EPN2: variants seen among roughly 807,000 people sequenced by gnomAD.
EPN2 encodes epsin-2.
A neutral mutation model predicts 61.7 loss-of-function variants in EPN2; 34 were observed. That is an observed-to-expected ratio of 0.55 (90% CI 0.42 to 0.73). The LOEUF (loss-of-function observed/expected upper bound fraction) is 0.73, where lower values mean the gene tolerates loss of function less well. Ranked by LOEUF, EPN2 falls within the 30% of genes least tolerant of loss-of-function variation. The pLI is 0.00. For missense variants in EPN2, 714 were observed against 839.2 expected (o/e 0.85, Z 1.84); for synonymous variants, 349 against 353.6 (o/e 0.99, Z 0.15).
At chr17:19,245,370 C>T (rs1314759732) in intron 1 of EPN2, among the ~76,000 whole-genome samples, 1 of 151,532 alleles carries the variant, frequency 6.6e-6, no homozygotes, top group African/African-American at 2.4e-5. Context: ...TGAAAACCCT[C>T]TACTAATGCT....
intron 9 of EPN2, chr17:19,330,606 C>T (rs558899263): frequency 6.6e-6 from 1 of 152,350 alleles, no homozygotes; most frequent in East Asian, 1.9e-4. Flanking sequence ...CATGTGTCTT[C>T]TCTGTAGGCC....
chr17:19,290,747 T>G (rs1245015310), intron 4 of EPN2, among the ~76,000 whole-genome samples: 1 of 135,926 alleles, frequency 7.4e-6, no homozygotes, highest in Non-Finnish European at 1.6e-5. Context: ...GCAGGCAGAA[T>G]AGAAATCTTC....
intron 1 of EPN2, among the ~76,000 whole-genome samples, chr17:19,241,624 AAGTTC>A (rs2044885945): frequency 6.6e-6 from 1 of 152,016 alleles, no homozygotes; most frequent in African/African-American, 2.4e-5. Flanking sequence ...ACTTTCTGAT[AAGTTC>A]GTCAATGGAA....
rs1907361625 is a variant in EPN2, at chr17:19,335,411, A to C, written c.*1157A>C. 1.9e-6 allele frequency: 3 copies of C among 1,549,896 alleles called. No individual in the cohort carries two copies. Among genetic ancestry groups the C allele is most frequent in the Admixed American group, 3.9e-5 (2 of 50,912 alleles). ...TTCCTTTTTTTTATTAAAGGCATGC[A>C]GGGATTAACAGGACTTCTGTTTACA... On this transcript the variant is annotated 3_prime_UTR_variant, in exon 11 of 11. Coordinates refer to ENST00000314728, the MANE Select transcript of EPN2 (RefSeq NM_014964.5).
Position 19,334,507 on chromosome 17 carries a change from T to C in EPN2, c.*253T>C. 2.8e-6 allele frequency: 1 copy of C among 356,740 alleles called. No homozygotes were observed. The highest frequency in any genetic ancestry group is 5.0e-6 in the Non-Finnish European group (1 of 199,316). The allele number at this position is 356,740 out of a possible 1,614,324, so 22.1% of individuals were successfully genotyped here. Reference sequence around the variant, plus strand: ...GTCCTGGCAGGGCTCCTCTGAGGCCTTGGACGAGGACGTGGAGTCATCAGT... The same window carrying C: ...GTCCTGGCAGGGCTCCTCTGAGGCCCTGGACGAGGACGTGGAGTCATCAGT... On this transcript the variant is annotated 3_prime_UTR_variant, in exon 11 of 11. Transcript: ENST00000314728. This position sits in a 1 kb window ranked among gnomAD's most constrained non-coding sequence, Gnocchi z 4.9.
rs1482601013 is a variant in EPN2 at position 19,313,141 on chromosome 17, T to A, written c.1009T>A (p.Leu337Ile). ...CCCACAGCAGACTACGCTGTTGGATTTAATGGATGCTCTCCCCAGCTCGGG... is the reference window on the plus strand; with the variant it reads ...CCCACAGCAGACTACGCTGTTGGATATAATGGATGCTCTCCCCAGCTCGGG... ...SLPQQTTLLD[L>I]MDALPSSGPA... The change falls in exon 7 of 11, where the codon TTA becomes ATA. Residue 337 changes from leucine (L) to isoleucine (I), a missense_variant. Transcript: ENST00000314728. The A allele has an allele frequency of 7.4e-6, 12 of 1,613,744 alleles. No homozygotes were observed. Among genetic ancestry groups the A allele is most frequent in the African/African-American group, 5.3e-5 (4 of 74,898 alleles).
chr17:19,326,829 C>T (rs989481672), intron 7 of EPN2, among the ~76,000 whole-genome samples: 20 of 151,906 alleles, frequency 1.3e-4, no homozygotes, highest in African/African-American at 4.8e-4. Flanking sequence ...GTCCATGCTG[C>T]TGGGATGAGT....
intron 1 of EPN2, among the ~76,000 whole-genome samples, chr17:19,250,005 C>T (rs1269767775): frequency 6.6e-6 from 1 of 152,144 alleles, no homozygotes; most frequent in Non-Finnish European, 1.5e-5. Flanking sequence ...CTTCTGCCTC[C>T]CACTTCCACT....
chr17:19,269,554 C>T (rs1335096636), intron 1 of EPN2, among the ~76,000 whole-genome samples: 1 of 152,192 alleles, frequency 6.6e-6, no homozygotes, highest in Non-Finnish European at 1.5e-5. Flanking sequence ...TTTAGAGTCT[C>T]TGTGTTGTTA....
chr17:19,328,033 G>GT (rs1052815428), intron 7 of EPN2, among the ~76,000 whole-genome samples: 11 of 152,114 alleles, frequency 7.2e-5, no homozygotes, highest in Non-Finnish European at 1.6e-4. Flanking sequence ...AGATGTTTTA[G>GT]TTTTTTTGTG....
chr17:19,295,366 A>ATGCGCGCGCG (rs1555600590), intron 4 of EPN2, among the ~76,000 whole-genome samples: 1 of 140,318 alleles, frequency 7.1e-6, no homozygotes, highest in Non-Finnish European at 1.5e-5. Context: ...ACACACACAC[A>ATGCGCGCGCG]CGCGCGTGCG....
intron 1 of EPN2, among the ~76,000 whole-genome samples, chr17:19,261,197 TC>T (rs1163079250): frequency 6.6e-6 from 1 of 152,238 alleles, no homozygotes; most frequent in African/African-American, 2.4e-5. Context: ...CAGGGCTTGT[TC>T]CATGTTGCAC....
chr17:19,293,164 A>G (rs1263645169), intron 4 of EPN2, among the ~76,000 whole-genome samples: 1 of 151,976 alleles, frequency 6.6e-6, no homozygotes, highest in East Asian at 1.9e-4. Context: ...AGATCACCTG[A>G]GGCCAGGAGT....
At position 19,285,616 on chromosome 17, in the gene EPN2, A is replaced by G. The variant is rs761764507; in HGVS notation, c.596-4A>G. The G allele has an allele frequency of 9.8e-6, 15 of 1,531,178 alleles. No individual in the cohort carries two copies. The highest frequency in any genetic ancestry group is 6.9e-5 in the African/African-American group (5 of 72,750). The allele number at this position is 1,531,178 out of a possible 1,614,324, so 94.8% of individuals were successfully genotyped here. On this transcript the variant is annotated splice_region_variant and splice_polypyrimidine_tract_variant and intron_variant, in intron 3 of 10. Coordinates refer to ENST00000314728, the MANE Select transcript of EPN2 (RefSeq NM_014964.5). This position sits in a 1 kb window ranked among gnomAD's most constrained non-coding sequence, Gnocchi z 4.5. ...GTGTGTGTGTGTGTGTCCCTGCCCC[A>G]CAGCGCCTGAGGCCTCGCTGTGCCC...
rs761297784 is a variant in EPN2 at position 19,328,904 on chromosome 17, C to A, written c.1324+17C>A. On this transcript the variant is annotated intron_variant, in intron 8 of 10. Coordinates refer to ENST00000314728, the MANE Select transcript of EPN2 (RefSeq NM_014964.5). The stretch of plus-strand genomic sequence containing the variant: ...CTGTCTCTGGTGAGCCCCTCACTCA[C>A]CCACTTTCCTGCCTGGCCTCTGAGC... 6.3e-7 allele frequency: 1 copy of A among 1,594,972 alleles called. No individual in the cohort carries two copies. The highest frequency in any genetic ancestry group is 1.7e-5 in the Admixed American group (1 of 58,528).
At chr17:19,319,419 G>A (rs1422758698) in intron 7 of EPN2, among the ~76,000 whole-genome samples, 1 of 151,594 alleles carries the variant, frequency 6.6e-6, no homozygotes, top group Non-Finnish European at 1.5e-5. Context: ...CTGCCTTCCA[G>A]GTTCAAGCAA....
chr17:19,325,274 C>G (rs1906817220), intron 7 of EPN2, among the ~76,000 whole-genome samples: 1 of 152,186 alleles, frequency 6.6e-6, no homozygotes, highest in East Asian at 1.9e-4. Context: ...AATGGCAACA[C>G]CAGACAAGGG....
At chr17:19,295,287 C>A (rs976476103) in intron 4 of EPN2, among the ~76,000 whole-genome samples, 1 of 151,888 alleles carries the variant, frequency 6.6e-6, no homozygotes, top group African/African-American at 2.4e-5. Context: ...CACCTGAGGG[C>A]AGGAGTTCGA....
At chr17:19,329,489 G>A in intron 8 of EPN2, 72 bp from the exon 9 acceptor site, 6 of 879,262 alleles carry the variant, frequency 6.8e-6, no homozygotes, top group African/African-American at 3.3e-5. Flanking sequence ...TCCTGAGGGT[G>A]TGCACTGGGC....
Sources: gnomAD v4.1 joint callset for allele counts (sites outside exome capture counted in the v4.1 genomes callset) on GRCh38, gnomAD v4.1.1 for gene constraint, Gnocchi (gnomAD v3.1) non-coding constraint, MANE v1.5 for transcripts, NCBI Gene and HGNC (gene_info 2026-07-23, HGNC 2026-07-21) for gene names.